The following ZSWIM6 variants were observed in gnomAD, a reference collection of about 807,000 sequenced individuals.
The protein encoded by ZSWIM6 is zinc finger SWIM-type containing 6.
A neutral mutation model predicts 113.2 loss-of-function variants in ZSWIM6; 9 were observed. The observed-to-expected ratio is 0.08, with a 90% CI of 0.05 to 0.14. The LOEUF (loss-of-function observed/expected upper bound fraction) is 0.14. ZSWIM6 is among the 10% of genes least tolerant of loss of function. ZSWIM6 has a pLI of 1.00. For synonymous variants in ZSWIM6, 611 were observed against 606.5 expected (o/e 1.01, Z -0.11); for missense variants, 1,162 against 1,552.2 (o/e 0.75, Z 4.22).
At chr5:61,359,169 G>C (rs116465392) in intron 1 of ZSWIM6, among the ~76,000 whole-genome samples, 1 of 152,194 alleles carries the variant, frequency 6.6e-6, no homozygotes, top group African/African-American at 2.4e-5. Context: ...GAGTGGATCA[G>C]AGAGGGCATT....
intron 1 of ZSWIM6, among the ~76,000 whole-genome samples, chr5:61,392,915 C>G (rs1352214808): frequency 6.6e-6 from 1 of 152,046 alleles, no homozygotes; most frequent in African/African-American, 2.4e-5. Flanking sequence ...CCTGGCCCAT[C>G]AGCCTTTATT....
At chr5:61,441,127 T>C (rs1746823825) in intron 1 of ZSWIM6, among the ~76,000 whole-genome samples, 1 of 152,184 alleles carries the variant, frequency 6.6e-6, no homozygotes, top group Non-Finnish European at 1.5e-5. Context: ...AAGAGATTTA[T>C]ATTGTTCATC....
chr5:61,461,710 A>G (rs1747327686), intron 1 of ZSWIM6, among the ~76,000 whole-genome samples: 1 of 152,190 alleles, frequency 6.6e-6, no homozygotes, highest in Non-Finnish European at 1.5e-5. Flanking sequence ...TTCTTCACTC[A>G]GGAAGACTTT....
chr5:61,465,469 T>A (rs1561248504), intron 1 of ZSWIM6, among the ~76,000 whole-genome samples: 1 of 151,936 alleles, frequency 6.6e-6, no homozygotes, highest in Non-Finnish European at 1.5e-5. Context: ...CTAGTGGTAC[T>A]TCTAGGTGCC....
chr5:61,334,899 T>A (rs1175804177), intron 1 of ZSWIM6, among the ~76,000 whole-genome samples: 10 of 152,064 alleles, frequency 6.6e-5, no homozygotes, highest in Non-Finnish European at 4.4e-5. Context: ...GAGGGTTTTT[T>A]TTTTTTTCCC....
rs60097146 is a variant in ZSWIM6, at chr5:61,453,378, CT to C, written c.677-19288del. 1.8e-3 allele frequency among the ~76,000 whole-genome samples: 246 copies of C among 135,850 alleles called. 1 individual carries two copies. The East Asian group carries it at 0.024, about 13-fold the overall frequency. The allele number at this position is 135,850 out of a possible 152,430, so 89.1% of individuals were successfully genotyped here. Reference sequence around the variant, plus strand: ...AACACTTTACGTCCACTCTCTCTCTCTTTTTTTTTTTTTTTGTGCCAGGGTC... The same window carrying C: ...AACACTTTACGTCCACTCTCTCTCTCTTTTTTTTTTTTTTGTGCCAGGGTC... On this transcript the variant is annotated intron_variant, in intron 1 of 13. Transcript: ENST00000252744.
intron 1 of ZSWIM6, among the ~76,000 whole-genome samples, chr5:61,456,903 C>CTTT (rs57733333): frequency 3.5e-5 from 5 of 144,670 alleles, no homozygotes; most frequent in Non-Finnish European, 7.6e-5. Flanking sequence ...TTTTTTTTTT[C>CTTT]TTTTTTTTAT....
intron 1 of ZSWIM6, among the ~76,000 whole-genome samples, chr5:61,338,964 T>A (rs184832772): frequency 1.4e-4 from 21 of 152,334 alleles, no homozygotes; most frequent in African/African-American, 5.1e-4. Context: ...ATGTCCTCAC[T>A]GATTTTTAAG....
intron 1 of ZSWIM6, among the ~76,000 whole-genome samples, chr5:61,434,182 A>G: frequency 6.8e-6 from 1 of 147,660 alleles, no homozygotes; most frequent in East Asian, 1.9e-4. Context: ...TATACTATAT[A>G]TAACATATAT....
chr5:61,501,127 C>G (rs1257078242), intron 4 of ZSWIM6, among the ~76,000 whole-genome samples: 1 of 152,182 alleles, frequency 6.6e-6, no homozygotes, highest in Non-Finnish European at 1.5e-5. Context: ...CTTCTAGGTC[C>G]TCATTACTGG....
At chr5:61,535,026 C>A (rs1449998147) in intron 9 of ZSWIM6, among the ~76,000 whole-genome samples, 1 of 152,122 alleles carries the variant, frequency 6.6e-6, no homozygotes, top group Non-Finnish European at 1.5e-5. Flanking sequence ...ATACAGAGCA[C>A]CATTTTCTGG....
intron 1 of ZSWIM6, among the ~76,000 whole-genome samples, chr5:61,380,922 C>T (rs1489464499): frequency 6.8e-5 from 10 of 147,614 alleles, no homozygotes. Flanking sequence ...AACATGGCGA[C>T]ACGCAGTTTC....
chr5:61,363,990 C>T (rs1355713096), intron 1 of ZSWIM6, among the ~76,000 whole-genome samples: 2 of 148,134 alleles, frequency 1.4e-5, no homozygotes, highest in East Asian at 2.0e-4. Flanking sequence ...CCCTCCCTCC[C>T]TTTCCTTCTT....
intron 1 of ZSWIM6, among the ~76,000 whole-genome samples, chr5:61,344,441 C>A (rs576914956): frequency 1.3e-5 from 2 of 152,294 alleles, no homozygotes; most frequent in South Asian, 4.1e-4. Flanking sequence ...AGACTGTGAA[C>A]TCAACTTGCC....
chr5:61,525,114 G>GC (rs1749241724), intron 5 of ZSWIM6, among the ~76,000 whole-genome samples: 1 of 152,200 alleles, frequency 6.6e-6, no homozygotes, highest in African/African-American at 2.4e-5. Flanking sequence ...CATGGAACCT[G>GC]CCCAGGAGTC....
intron 4 of ZSWIM6, among the ~76,000 whole-genome samples, chr5:61,506,132 G>A (rs1748613364): frequency 6.6e-6 from 1 of 152,090 alleles, no homozygotes; most frequent in South Asian, 2.1e-4. Context: ...CCAATTGTGT[G>A]CCATTTAGCT....
intron 1 of ZSWIM6, among the ~76,000 whole-genome samples, chr5:61,354,702 G>A (rs958194305): frequency 1.3e-5 from 2 of 151,918 alleles, no homozygotes; most frequent in Non-Finnish European, 2.9e-5. Flanking sequence ...TTTCTTTAGG[G>A]TCTAATTTAA....
In ZSWIM6 at chr5:61,391,191, GC is replaced by G. The variant is rs1434955906; in HGVS notation, c.676+58245del. 5 of 841,178 alleles carry G rather than the reference GC, an allele frequency of 5.9e-6. No individual in the cohort carries two copies. In the African/African-American group the frequency reaches 6.6e-5, roughly 11 times the overall value. 52.1% of individuals were successfully genotyped at this position (841,178 alleles called of 1,614,324 possible). The stretch of plus-strand genomic sequence containing the variant: ...GCCAACGACTGGTGACCCCTTTGTA[GC>G]CATTGCCCTTGGTCAACCTGATGAC... On this transcript the variant is annotated intron_variant, in intron 1 of 13. Coordinates refer to ENST00000252744, the MANE Select transcript of ZSWIM6 (RefSeq NM_020928.2).
intron 1 of ZSWIM6, among the ~76,000 whole-genome samples, chr5:61,404,071 G>A (rs1000407660): frequency 1.3e-5 from 2 of 151,034 alleles, no homozygotes; most frequent in Non-Finnish European, 2.9e-5. Flanking sequence ...GCAGTGGCGC[G>A]ATCTTGGCTC....
Sources: gnomAD v4.1 joint callset for allele counts (sites outside exome capture counted in the v4.1 genomes callset) on GRCh38, gnomAD v4.1.1 for gene constraint, MANE v1.5 for transcripts, NCBI Gene and HGNC (gene_info 2026-07-23, HGNC 2026-07-21) for gene names.